NTRK3: variants seen among roughly 807,000 people sequenced by gnomAD.
NTRK3 encodes neurotrophic receptor tyrosine kinase 3.
In NTRK3, 24 loss-of-function variants were observed where a neutral mutation model predicts 91.7. The observed-to-expected ratio is 0.26, with a 90% CI of 0.19 to 0.37. The LOEUF is 0.37. NTRK3 is among the 10% of genes least tolerant of loss of function. NTRK3 has a pLI of 1.00. For missense variants in NTRK3, 880 were observed against 1,068.9 expected (o/e 0.82, Z 2.46); for synonymous variants, 483 against 404.0 (o/e 1.20, Z -2.34).
chr15:88,100,158 C>T (rs150788404), intron 13 of NTRK3, among the ~76,000 whole-genome samples: 1 of 152,328 alleles, frequency 6.6e-6, no homozygotes, highest in Non-Finnish European at 1.5e-5. Context: ...GGCCCCAGTG[C>T]TGGCCACCTT....
chr15:88,244,913 G>C (rs1248746381), intron 3 of NTRK3, among the ~76,000 whole-genome samples: 1 of 152,244 alleles, frequency 6.6e-6, no homozygotes, highest in African/African-American at 2.4e-5. Context: ...CAAGAAGCTA[G>C]ATGCTACTAA....
exon 19 of NTRK3, chr15:87,873,673 T>C (rs1342833037): frequency 2.2e-5 from 5 of 231,966 alleles, no homozygotes; most frequent in Admixed American, 5.6e-5. Flanking sequence ...AGGATGTCAT[T>C]TCACAACACA....
At chr15:88,025,824 ATAC>A (rs775362344) in intron 14 of NTRK3, among the ~76,000 whole-genome samples, 1 of 152,198 alleles carries the variant, frequency 6.6e-6, no homozygotes, top group Non-Finnish European at 1.5e-5. Flanking sequence ...AAAAACTGTA[ATAC>A]AGCCATACAA....
chr15:88,000,741 A>C (rs1043198119), intron 14 of NTRK3, among the ~76,000 whole-genome samples: 1 of 152,154 alleles, frequency 6.6e-6, no homozygotes, highest in Non-Finnish European at 1.5e-5. Flanking sequence ...TTATATTCTT[A>C]GTCCATTTTT....
At chr15:88,137,297 C>T (rs186248323) in intron 7 of NTRK3, 107 bp downstream of exon 7, 48 of 1,309,888 alleles carry the variant, frequency 3.7e-5, no homozygotes, top group East Asian at 1.2e-4. Context: ...GCTGGGAGGG[C>T]GTTTCGAAAG....
At chr15:87,885,054 T>C (rs1567069203) in intron 17 of NTRK3, among the ~76,000 whole-genome samples, 1 of 151,918 alleles carries the variant, frequency 6.6e-6, no homozygotes, top group Admixed American at 6.6e-5. Context: ...AACCATTATA[T>C]GATTTAGCAG....
At chr15:87,885,006 A>G (rs1325670152) in intron 17 of NTRK3, among the ~76,000 whole-genome samples, 1 of 151,936 alleles carries the variant, frequency 6.6e-6, no homozygotes, top group Admixed American at 6.6e-5. Context: ...TATGGATATG[A>G]TATGACTATT....
chr15:88,056,945 C>A (rs994653713), intron 13 of NTRK3, among the ~76,000 whole-genome samples: 1 of 151,644 alleles, frequency 6.6e-6, no homozygotes, highest in African/African-American at 2.4e-5. Flanking sequence ...CCGAGACGGG[C>A]GGATCACGAG....
chr15:88,092,885 C>T (rs562011476), intron 13 of NTRK3, among the ~76,000 whole-genome samples: 2 of 152,306 alleles, frequency 1.3e-5, no homozygotes, highest in East Asian at 3.9e-4. Context: ...TACAAAAATG[C>T]ACATTCTTGC....
chr15:87,862,895 T>C (rs377674883), exon 19 of NTRK3: 1 of 230,922 alleles, frequency 4.3e-6, no homozygotes, highest in East Asian at 6.1e-5. Flanking sequence ...ACCTTTTCTG[T>C]CCCCAAACTT....
intron 15 of NTRK3, among the ~76,000 whole-genome samples, chr15:87,935,039 A>G (rs938668287): frequency 2.6e-5 from 4 of 152,096 alleles, no homozygotes; most frequent in African/African-American, 9.7e-5. Context: ...GGGGTTCAGG[A>G]TGGGGAAGTA....
At chr15:87,958,396 A>G (rs992557662) in intron 14 of NTRK3, among the ~76,000 whole-genome samples, 4 of 152,032 alleles carry the variant, frequency 2.6e-5, no homozygotes, top group Admixed American at 6.5e-5. Context: ...ATATCATCTG[A>G]CTTGTGAAAT....
At chr15:87,915,034 C>T (rs1436540312) in intron 17 of NTRK3, among the ~76,000 whole-genome samples, 1 of 151,068 alleles carries the variant, frequency 6.6e-6, no homozygotes, top group African/African-American at 2.4e-5. Flanking sequence ...GTGATGGTGG[C>T]GTTGGTGATG....
At chr15:88,056,738 T>TA in intron 13 of NTRK3, among the ~76,000 whole-genome samples, 1 of 152,352 alleles carries the variant, frequency 6.6e-6, no homozygotes, top group Non-Finnish European at 1.5e-5. Flanking sequence ...TGGCACTTTC[T>TA]CAGTATCTCC....
chr15:87,952,623 C>A (rs972490304), intron 14 of NTRK3, among the ~76,000 whole-genome samples: 1 of 152,192 alleles, frequency 6.6e-6, no homozygotes, highest in Non-Finnish European at 1.5e-5. Context: ...TCACCCTGTG[C>A]GCACTCCATT....
chr15:88,213,798 G>A (rs1597991193), intron 3 of NTRK3, among the ~76,000 whole-genome samples: 1 of 152,114 alleles, frequency 6.6e-6, no homozygotes, highest in South Asian at 2.1e-4. Flanking sequence ...GAAACGAGGC[G>A]GCCAAGTGCA....
intron 14 of NTRK3, among the ~76,000 whole-genome samples, chr15:87,976,818 T>A (rs2073761566): frequency 6.6e-6 from 1 of 152,204 alleles, no homozygotes. Flanking sequence ...CGTCTTTCCT[T>A]GGGCAAGGTC....
intron 17 of NTRK3, among the ~76,000 whole-genome samples, chr15:87,886,258 T>A (rs764685626): frequency 5.9e-5 from 9 of 152,030 alleles, no homozygotes; most frequent in Non-Finnish European, 1.3e-4. Flanking sequence ...TGGTAGAATC[T>A]GTCAACATTA....
chr15:88,247,390 C>G (rs187815041), intron 3 of NTRK3, among the ~76,000 whole-genome samples: 1 of 152,348 alleles, frequency 6.6e-6, no homozygotes, highest in African/African-American at 2.4e-5. Flanking sequence ...CAATTCACCT[C>G]TCTTGATTCC....
Sources: allele counts gnomAD v4.1 joint callset (sites outside exome capture counted in the v4.1 genomes callset), GRCh38; gene constraint gnomAD v4.1.1; transcripts MANE v1.5; gene names NCBI Gene and HGNC (gene_info 2026-07-23, HGNC 2026-07-21).